KCNIP4: variants seen among roughly 807,000 people sequenced by gnomAD.
KCNIP4 encodes the protein potassium voltage-gated channel interacting protein 4, also known as Kv channel-interacting protein 4.
Under a neutral mutation model 34.0 loss-of-function variants are expected in KCNIP4, and 12 were observed. The observed-to-expected ratio is 0.35, with a 90% CI of 0.23 to 0.57. The LOEUF is 0.57. Among genes scored for constraint, KCNIP4 ranks in the 20% least tolerant of loss-of-function variants. The pLI, the probability that KCNIP4 is intolerant of heterozygous loss-of-function variation, is 0.83. For missense variants in KCNIP4, 238 were observed against 311.7 expected (o/e 0.76, Z 1.78); for synonymous variants, 124 against 102.2 (o/e 1.21, Z -1.29).
intron 1 of KCNIP4, among the ~76,000 whole-genome samples, chr4:21,016,274 A>T (rs1739533914): frequency 6.6e-6 from 1 of 150,482 alleles, no homozygotes; most frequent in Non-Finnish European, 1.5e-5. Flanking sequence ...GCATGCTGTA[A>T]GCTTTATTTC....
At chr4:21,618,016 A>T (rs73800251) in intron 1 of KCNIP4, among the ~76,000 whole-genome samples, 1,579 of 152,336 alleles carry the variant, frequency 0.01, 28 homozygotes, top group African/African-American at 0.037. Flanking sequence ...TAGAAGGGAC[A>T]TGTTGTCCAG....
In KCNIP4 at chr4:21,478,397, A is replaced by C. The variant is rs905635290; in HGVS notation, c.61+470174T>G. Among the ~76,000 whole-genome samples the C allele has an allele frequency of 2.6e-5, 4 of 152,126 alleles. No individual in the cohort carries two copies. The East Asian group carries it at 7.7e-4, about 29-fold the overall frequency. ...GTCATAATACTACACATTCTATATC[A>C]TGCAAAACCCACAAGTATCTACAAG... On this transcript the variant is annotated intron_variant, in intron 1 of 8. Transcript: ENST00000382152.
chr4:21,273,768 T>A (rs559024187), intron 1 of KCNIP4, among the ~76,000 whole-genome samples: 12 of 152,178 alleles, frequency 7.9e-5, no homozygotes, highest in Non-Finnish European at 1.8e-4. Flanking sequence ...TGAAAGGTGA[T>A]GAAAGGTGGA....
At chr4:20,917,427 A>T (rs1475354123) in intron 1 of KCNIP4, among the ~76,000 whole-genome samples, 3 of 152,116 alleles carry the variant, frequency 2.0e-5, no homozygotes, top group South Asian at 4.1e-4. Context: ...AATGTCTGTC[A>T]AGCACCTCCA....
At chr4:21,305,468 G>A (rs1488621086) in intron 1 of KCNIP4, among the ~76,000 whole-genome samples, 1 of 152,240 alleles carries the variant, frequency 6.6e-6, no homozygotes, top group Non-Finnish European at 1.5e-5. Flanking sequence ...CACCTCGGGT[G>A]CTTTTCACAA....
chr4:21,411,339 T>C (rs532494676), intron 1 of KCNIP4, among the ~76,000 whole-genome samples: 1 of 152,266 alleles, frequency 6.6e-6, no homozygotes, highest in African/African-American at 2.4e-5. Flanking sequence ...TGATCAATAT[T>C]TGGCCAGTGA....
At chr4:21,528,965 A>G (rs1398605818) in intron 1 of KCNIP4, among the ~76,000 whole-genome samples, 5 of 152,058 alleles carry the variant, frequency 3.3e-5, no homozygotes, top group African/African-American at 7.2e-5. Context: ...CTTTCGGCCA[A>G]TGAAAAGCCT....
At chr4:21,181,119 G>A (rs531521121) in intron 1 of KCNIP4, among the ~76,000 whole-genome samples, 11 of 152,266 alleles carry the variant, frequency 7.2e-5, no homozygotes, top group African/African-American at 2.6e-4. Context: ...ACCTCAGATG[G>A]ATGCTTAACC....
At chr4:21,523,869 G>A (rs1374261342) in intron 1 of KCNIP4, among the ~76,000 whole-genome samples, 2 of 151,986 alleles carry the variant, frequency 1.3e-5, no homozygotes, top group African/African-American at 4.8e-5. Context: ...CACTGTGCCT[G>A]GACTTTTTTG....
At chr4:21,241,495 T>G (rs1016796832) in intron 1 of KCNIP4, among the ~76,000 whole-genome samples, 1 of 152,052 alleles carries the variant, frequency 6.6e-6, no homozygotes, top group Non-Finnish European at 1.5e-5. Flanking sequence ...AAGGAAGGTG[T>G]AGGCAAGAGA....
intron 1 of KCNIP4, among the ~76,000 whole-genome samples, chr4:21,147,244 GC>G (rs899759356): frequency 1.4e-4 from 21 of 152,052 alleles, no homozygotes; most frequent in African/African-American, 5.1e-4. Context: ...TCTACCCGAT[GC>G]CCCCACCCCC....
At chr4:21,715,323 G>C (rs901180288) in intron 1 of KCNIP4, among the ~76,000 whole-genome samples, 3 of 151,908 alleles carry the variant, frequency 2.0e-5, no homozygotes, top group Non-Finnish European at 2.9e-5. Context: ...GTAGACACGG[G>C]GTTTCACCGT....
intron 1 of KCNIP4, among the ~76,000 whole-genome samples, chr4:21,351,525 C>G (rs1462425868): frequency 6.6e-6 from 1 of 152,106 alleles, no homozygotes; most frequent in Non-Finnish European, 1.5e-5. Context: ...TATAAATTAC[C>G]CAGTCTTGAA....
chr4:21,831,700 G>T (rs1283561873), intron 1 of KCNIP4, among the ~76,000 whole-genome samples: 2 of 139,540 alleles, frequency 1.4e-5, no homozygotes, highest in African/African-American at 5.4e-5. Context: ...AGGACCTGAT[G>T]GTTTCACTGG....
chr4:20,929,821 A>G (rs1384142827), intron 1 of KCNIP4, among the ~76,000 whole-genome samples: 2 of 151,796 alleles, frequency 1.3e-5, no homozygotes, highest in African/African-American at 4.8e-5. Context: ...CATAAAGGTG[A>G]AATATTTGTA....
chr4:21,149,986 A>G (rs1454464998), intron 1 of KCNIP4, among the ~76,000 whole-genome samples: 1 of 152,152 alleles, frequency 6.6e-6, no homozygotes, highest in African/African-American at 2.4e-5. Context: ...AGAGAAATGC[A>G]TTTGTAGTGT....
intron 2 of KCNIP4, among the ~76,000 whole-genome samples, chr4:20,860,128 T>C (rs1722030335): frequency 6.6e-6 from 1 of 152,076 alleles, no homozygotes; most frequent in Non-Finnish European, 1.5e-5. Flanking sequence ...CCCATTTCTT[T>C]TTTTTTTCTT....
At chr4:21,185,412 T>C (rs1755140831) in intron 1 of KCNIP4, among the ~76,000 whole-genome samples, 1 of 151,884 alleles carries the variant, frequency 6.6e-6, no homozygotes, top group South Asian at 2.1e-4. Flanking sequence ...CCTCTTCCTC[T>C]TCTTCCTCTC....
chr4:21,449,594 A>G (rs1018567554), intron 1 of KCNIP4, among the ~76,000 whole-genome samples: 6 of 151,470 alleles, frequency 4.0e-5, no homozygotes, highest in African/African-American at 1.5e-4. Context: ...TCCATATCAC[A>G]TATATTTAAA....
Sources: gnomAD v4.1 joint callset for allele counts (sites outside exome capture counted in the v4.1 genomes callset) on GRCh38, gnomAD v4.1.1 for gene constraint, MANE v1.5 for transcripts, NCBI Gene and HGNC (gene_info 2026-07-23, HGNC 2026-07-21) for gene names.